GAK: variants seen among roughly 807,000 people sequenced by gnomAD.
GAK encodes the protein cyclin G associated kinase, also known as cyclin-G-associated kinase.
A neutral mutation model predicts 143.9 loss-of-function variants in GAK; 79 were observed. That is an observed-to-expected ratio of 0.55 (90% CI 0.46 to 0.66). The LOEUF (loss-of-function observed/expected upper bound fraction) is 0.66. Ranked by LOEUF, GAK falls within the 30% of genes least tolerant of loss-of-function variation. The probability of loss-of-function intolerance (pLI) is 0.00; values close to 1 mark genes in which losing one functional copy is unlikely to be tolerated. For synonymous variants in GAK, 881 were observed against 765.5 expected (o/e 1.15, Z -2.49); for missense variants, 1,693 against 1,779.7 (o/e 0.95, Z 0.88).
chr4:851,492 G>C (rs1463752330), intron 25 of GAK: 25 of 574,376 alleles, frequency 4.4e-5, no homozygotes, highest in South Asian at 3.4e-4. Context: ...GTAAAGAAGA[G>C]GGAAGACAAG....
At chr4:889,064 T>C (rs1717132523) in intron 10 of GAK, 94 bp from the exon 11 acceptor site, 1 of 1,400,400 alleles carries the variant, frequency 7.1e-7, no homozygotes. Context: ...AGGCGCTCGG[T>C]CCCACCTCCC....
chr4:868,911 G>GCA, intron 19 of GAK: 1 of 551,290 alleles, frequency 1.8e-6, no homozygotes, highest in Non-Finnish European at 3.3e-6. Flanking sequence ...CACAGCACAC[G>GCA]CACACATGAA....
rs1177687641 is a variant in GAK, at chr4:883,335, G to A, written c.1384C>T (p.Pro462Ser). The A allele has an allele frequency of 1.9e-6, 3 of 1,613,482 alleles. No individual in the cohort carries two copies. Residue 462 changes from proline (P) to serine (S), a missense_variant, in exon 13 of 28, where the codon CCC becomes TCC. This residue lies in a region of GAK where 871 missense variants were observed against 991.0 expected (regional missense o/e 0.88). Transcript: ENST00000314167. ...CACACCCGGTTGTGGAACCTGGAGGGCCGGTAGGTCCTCGGGGACAGGTTG... is the reference window on the plus strand; with the variant it reads ...CACACCCGGTTGTGGAACCTGGAGGACCGGTAGGTCCTCGGGGACAGGTTG... ...VYNLSPRTYR[P>S]SRFHNRVSEC...
rs1027401582 is a variant in GAK at position 849,918 on chromosome 4, C to T, written c.3808G>A (p.Ala1270Thr). ...TTGTCGGGGTGCACAGCCAGCACCGCGCGGCGATAGTGCTTCTTCACTTGC... is the reference window on the plus strand; with the variant it reads ...TTGTCGGGGTGCACAGCCAGCACCGTGCGGCGATAGTGCTTCTTCACTTGC... ...PEQVKKHYRR[A>T]VLAVHPDKAA... Residue 1270 changes from alanine to threonine, a missense_variant, in exon 27 of 28, where the codon GCG (alanine) becomes ACG (threonine). Transcript: ENST00000314167. 2 of 1,610,272 alleles carry T rather than the reference C, an allele frequency of 1.2e-6. No individual in the cohort carries two copies. Among genetic ancestry groups the T allele is most frequent in the Non-Finnish European group, 1.7e-6 (2 of 1,178,574 alleles).
At chr4:868,851 T>C in intron 19 of GAK, 166 bp from the exon 20 acceptor site, 1 of 677,792 alleles carries the variant, frequency 1.5e-6, no homozygotes, top group Non-Finnish European at 2.4e-6. Flanking sequence ...TCTGAACAGA[T>C]TCCTGCTATC....
At chr4:904,515 G>T (rs1222702300) in intron 5 of GAK, 122 bp downstream of exon 5, 1 of 772,960 alleles carries the variant, frequency 1.3e-6, no homozygotes, top group African/African-American at 1.9e-5. Context: ...AACCGAGCGG[G>T]ACCCGCACAC....
chr4:862,378 T>C (rs914988109), intron 23 of GAK, among the ~76,000 whole-genome samples: 3 of 152,234 alleles, frequency 2.0e-5, no homozygotes, highest in Non-Finnish European at 4.4e-5. Flanking sequence ...AAGATCCGGC[T>C]GAGATCACTG....
At chr4:910,312 C>T (rs1426277028) in intron 4 of GAK, among the ~76,000 whole-genome samples, 1 of 137,168 alleles carries the variant, frequency 7.3e-6, no homozygotes, top group Non-Finnish European at 1.6e-5. Flanking sequence ...GAGCCCCCCG[C>T]TAAGTGCAGT....
intron 1 of GAK, among the ~76,000 whole-genome samples, chr4:920,177 G>A (rs915823466): frequency 8.6e-5 from 13 of 151,682 alleles, no homozygotes; most frequent in African/African-American, 2.9e-4. Context: ...GTATGGTGGC[G>A]GGCACCTGTA....
intron 4 of GAK, among the ~76,000 whole-genome samples, chr4:905,877 T>C (rs550322028): frequency 1.1e-4 from 17 of 152,354 alleles, no homozygotes; most frequent in African/African-American, 4.1e-4. Context: ...GCTGCAGGTA[T>C]GAGGATGCCC....
At position 883,416 on chromosome 4, in the gene GAK, T is replaced by C. The variant is rs1715573227; in HGVS notation, c.1303A>G (p.Ile435Val). The C allele has an allele frequency of 6.2e-7, 1 of 1,613,660 alleles. No homozygotes were observed. Among genetic ancestry groups the C allele is most frequent in the Non-Finnish European group, 8.5e-7 (1 of 1,180,002 alleles). Reference protein sequence around the residue: ...EGVESALKNNIEDVRLFLDSK... With the variant: ...EGVESALKNNVEDVRLFLDSK... ...TCCAGGAACAACCGCACATCTTCGA[T>C]GTTGTTTTTGAGCGCTGACTCCACA... The change falls in exon 13 of 28, where the codon ATC becomes GTC. Residue 435 changes from isoleucine to valine, a missense_variant. Physicochemically the swap from Ile to Val is conservative, Grantham distance 29. Transcript: ENST00000314167.
chr4:900,955 G>A (rs1157536994), intron 5 of GAK, among the ~76,000 whole-genome samples: 1 of 152,186 alleles, frequency 6.6e-6, no homozygotes, highest in Non-Finnish European at 1.5e-5. Context: ...GGTGCCCACA[G>A]GCTTCTGCCA....
chr4:851,657 G>C (rs892591910), intron 25 of GAK, 93 bp downstream of exon 25: 10 of 1,330,510 alleles, frequency 7.5e-6, no homozygotes, highest in Admixed American at 1.7e-5. Flanking sequence ...CCAGGACTGG[G>C]CTCTGAGATG....
At chr4:913,405 G>C (rs1452175897) in intron 2 of GAK, among the ~76,000 whole-genome samples, 1 of 152,172 alleles carries the variant, frequency 6.6e-6, no homozygotes, top group Non-Finnish European at 1.5e-5. Context: ...AGGGCCACAG[G>C]AGTGTGAAGC....
chr4:931,858 G>A (rs1725897173), intron 1 of GAK, among the ~76,000 whole-genome samples, 185 bp downstream of exon 1: 1 of 152,106 alleles, frequency 6.6e-6, no homozygotes, highest in South Asian at 2.1e-4. Context: ...CCCGCGCTAT[G>A]ACCTTCGCCT....
In GAK at chr4:898,093, G is replaced by A; in HGVS notation, c.591C>T (p.Thr197=). ...AGCTGTAGTCAGGGTAGTGCGAGAT[G>A]GTCGTGGCACTGCCAAAGTCACACA... ...IKLCDFGSAT[T]ISHYPDYSWS... is the part of the protein sequence containing the mutation. The change falls in exon 6 of 28, where the codon ACC becomes ACT. Residue 197 remains threonine (T), a synonymous_variant. Coordinates refer to ENST00000314167, the MANE Select transcript of GAK (RefSeq NM_005255.4). 6.2e-7 allele frequency: 1 copy of A among 1,614,170 alleles called. No homozygotes were observed. The highest frequency in any genetic ancestry group is 8.5e-7 in the Non-Finnish European group (1 of 1,179,984).
chr4:849,829 G>GGCGGGGGGGGGGGGC, intron 27 of GAK, 55 bp from the exon 28 acceptor site: 1 of 1,377,966 alleles, frequency 7.3e-7, no homozygotes, highest in Non-Finnish European at 9.9e-7. Flanking sequence ...GGCGGGCGGG[G>GGCGGGGGGGGGGGGC]CAGGACCCCC....
At chr4:904,059 C>T (rs1421166469) in intron 5 of GAK, among the ~76,000 whole-genome samples, 2 of 152,292 alleles carry the variant, frequency 1.3e-5, no homozygotes, top group East Asian at 1.9e-4. Flanking sequence ...CACCTGCTCT[C>T]ACCCCTGCAT....
At chr4:857,779 T>TTG (rs1749552867) in intron 24 of GAK, among the ~76,000 whole-genome samples, 1 of 152,190 alleles carries the variant, frequency 6.6e-6, no homozygotes, top group South Asian at 2.1e-4. Flanking sequence ...CTTTCTTTCC[T>TTG]TCCGCTTGCT....
Sources: gnomAD v4.1 joint callset for allele counts (sites outside exome capture counted in the v4.1 genomes callset) on GRCh38, gnomAD v4.1.1 for gene constraint, gnomAD v4.1.1 regional missense constraint, MANE v1.5 for transcripts, NCBI Gene and HGNC (gene_info 2026-07-23, HGNC 2026-07-21) for gene names.